DHRSX: variants seen among roughly 807,000 people sequenced by gnomAD.
DHRSX encodes polyprenol dehydrogenase.
Under a neutral mutation model 34.0 loss-of-function variants are expected in DHRSX, and 31 were observed. The observed-to-expected ratio is 0.91, with a 90% CI of 0.69 to 1.23. DHRSX has a LOEUF of 1.23. Ranked by LOEUF, DHRSX falls within the 50% of genes most tolerant of loss-of-function variation. The pLI is 0.00. For synonymous variants in DHRSX, 201 were observed against 183.8 expected (o/e 1.09, Z -0.76); for missense variants, 414 against 428.1 (o/e 0.97, Z 0.29).
intron 1 of DHRSX, among the ~76,000 whole-genome samples, chrX:2,459,550 G>GTGTATA (rs1202342518): frequency 3.1e-4 from 43 of 137,802 alleles, no homozygotes; most frequent in Admixed American, 7.0e-4. Flanking sequence ...GTGTCTGTGT[G>GTGTATA]TATATATATA....
rs1448416715 is a variant in DHRSX at position 2,219,588 on chromosome X, A to G, written c.*1453T>C. 1 of 152,162 alleles carries G rather than the reference A, an allele frequency of 6.6e-6. No homozygotes were observed. Among genetic ancestry groups the G allele is most frequent in the East Asian group, 1.9e-4 (1 of 5,198 alleles). The allele number at this position is 152,162 out of a possible 1,614,324, so 9.4% of individuals were successfully genotyped here. On this transcript the variant is annotated 3_prime_UTR_variant, in exon 7 of 7. Transcript: ENST00000334651. ...AGGGCAACCTTCCCCATCTGGGAAC[A>G]ATCTAGCAGTCATGTAAGAAGCACA... is the stretch of plus-strand genomic sequence containing the variant.
intron 5 of DHRSX, among the ~76,000 whole-genome samples, chrX:2,247,451 G>A (rs181348040): frequency 8.6e-5 from 13 of 151,554 alleles, no homozygotes; most frequent in Admixed American, 5.3e-4. Flanking sequence ...TCAGGAGATC[G>A]AGACCATCCT....
At chrX:2,313,706 A>G (rs35195739) in intron 3 of DHRSX, among the ~76,000 whole-genome samples, 23,415 of 152,080 alleles carry the variant, frequency 0.15, 2,350 homozygotes, top group Admixed American at 0.23. Context: ...AAACTCTGTA[A>G]AATATTTGAA....
chrX:2,484,483 G>C (rs1416530138), intron 1 of DHRSX, among the ~76,000 whole-genome samples: 1 of 152,152 alleles, frequency 6.6e-6, no homozygotes, highest in Non-Finnish European at 1.5e-5. Flanking sequence ...AAACCCGAAA[G>C]CTTCCCAGAA....
chrX:2,230,327 G>A (rs909835320), intron 6 of DHRSX, among the ~76,000 whole-genome samples: 2 of 152,206 alleles, frequency 1.3e-5, no homozygotes, highest in African/African-American at 4.8e-5. Flanking sequence ...CATGGCCTCA[G>A]TGACCACCTG....
intron 1 of DHRSX, among the ~76,000 whole-genome samples, chrX:2,445,660 C>G (rs1282886867): frequency 1.3e-5 from 2 of 152,006 alleles, no homozygotes; most frequent in African/African-American, 4.8e-5. Context: ...CCGCCATGTA[C>G]ACACTGAAGA....
At chrX:2,428,807 C>T (rs1391995145) in intron 1 of DHRSX, among the ~76,000 whole-genome samples, 3 of 152,132 alleles carry the variant, frequency 2.0e-5, no homozygotes, top group African/African-American at 7.2e-5. Context: ...GCTGCTTTTC[C>T]ATTTCACCTT....
chrX:2,437,698 A>T (rs1256256371), intron 1 of DHRSX, among the ~76,000 whole-genome samples: 4,255 of 98,662 alleles, frequency 0.043, 118 homozygotes, highest in African/African-American at 0.15. Flanking sequence ...AGAGAGAGAG[A>T]GTGTGTGTGT....
At chrX:2,468,152 C>T (rs2044526264) in intron 1 of DHRSX, among the ~76,000 whole-genome samples, 1 of 152,022 alleles carries the variant, frequency 6.6e-6, no homozygotes. Flanking sequence ...GGGGGCATCT[C>T]CAGAAATCCG....
intron 1 of DHRSX, among the ~76,000 whole-genome samples, chrX:2,460,985 T>G (rs1239661610): frequency 6.6e-6 from 1 of 152,124 alleles, no homozygotes; most frequent in Non-Finnish European, 1.5e-5. Context: ...CCTCCCAAAG[T>G]GCTGGGATGA....
intron 3 of DHRSX, among the ~76,000 whole-genome samples, chrX:2,382,895 C>T (rs1373082721): frequency 1.3e-4 from 19 of 151,452 alleles, no homozygotes; most frequent in African/African-American, 4.6e-4. Flanking sequence ...CCACCATCAC[C>T]ATCATCACCA....
At chrX:2,334,655 G>C (rs1316979705) in intron 3 of DHRSX, 1 of 152,112 alleles carries the variant, frequency 6.6e-6, no homozygotes, top group Admixed American at 6.6e-5. Flanking sequence ...GCATCTTGCT[G>C]TGTTGCCCAA....
intron 3 of DHRSX, among the ~76,000 whole-genome samples, chrX:2,373,603 G>C (rs73191317): frequency 2.6e-5 from 4 of 152,114 alleles, no homozygotes; most frequent in African/African-American, 9.6e-5. Flanking sequence ...CCGCTGAACC[G>C]AGTCACCCTG....
At chrX:2,304,123 AAATGGATGGATGGATG>A (rs1430718496) in intron 3 of DHRSX, among the ~76,000 whole-genome samples, 7 of 22,508 alleles carry the variant, frequency 3.1e-4, no homozygotes, top group East Asian at 1.1e-3. Flanking sequence ...ATGGATGGAT[AAATGGATGGATGGATG>A]AATGGATGGA....
intron 1 of DHRSX, among the ~76,000 whole-genome samples, chrX:2,466,707 A>T (rs2044501836): frequency 6.6e-6 from 1 of 152,100 alleles, no homozygotes; most frequent in South Asian, 2.1e-4. Flanking sequence ...CTGCATGATG[A>T]AATAATCTGT....
chrX:2,428,302 A>G (rs1229276972), intron 1 of DHRSX, among the ~76,000 whole-genome samples: 1 of 152,204 alleles, frequency 6.6e-6, no homozygotes. Context: ...AAATCATTCC[A>G]CTATAACGAC....
chrX:2,284,373 C>G (rs73628275), intron 4 of DHRSX, among the ~76,000 whole-genome samples: 5,279 of 151,410 alleles, frequency 0.035, 319 homozygotes, highest in African/African-American at 0.12. Context: ...TTCATTCACT[C>G]ATTTGAATTC....
intron 5 of DHRSX, among the ~76,000 whole-genome samples, chrX:2,254,088 T>C (rs1357279964): frequency 6.6e-6 from 1 of 152,016 alleles, no homozygotes; most frequent in Non-Finnish European, 1.5e-5. Flanking sequence ...AGGAGCCCTT[T>C]ATAAGTTATT....
intron 3 of DHRSX, among the ~76,000 whole-genome samples, chrX:2,325,324 C>T (rs1431964075): frequency 2.0e-5 from 3 of 152,006 alleles, no homozygotes; most frequent in African/African-American, 2.4e-5. Context: ...ATGGCGGCTC[C>T]ATCTTCCCGG....
Sources: allele counts gnomAD v4.1 joint callset (sites outside exome capture counted in the v4.1 genomes callset), GRCh38; gene constraint gnomAD v4.1.1; transcripts MANE v1.5; gene names NCBI Gene and HGNC (gene_info 2026-07-23, HGNC 2026-07-21).